The following PCDH7 variants were observed in gnomAD, a reference collection of about 807,000 sequenced individuals.
The protein encoded by PCDH7 is protocadherin-7.
Under a neutral mutation model 58.9 loss-of-function variants are expected in PCDH7, and 17 were observed. The observed-to-expected ratio is 0.29, with a 90% CI of 0.20 to 0.43. PCDH7 has a LOEUF of 0.43. Among genes scored for constraint, PCDH7 ranks in the 20% least tolerant of loss-of-function variants. The pLI is 1.00. For missense variants in PCDH7, 1,274 were observed against 1,441.0 expected (o/e 0.88, Z 1.88); for synonymous variants, 664 against 616.4 (o/e 1.08, Z -1.14).
intron 3 of PCDH7, among the ~76,000 whole-genome samples, chr4:31,116,834 T>C (rs927506540): frequency 4.6e-5 from 7 of 151,964 alleles, no homozygotes; most frequent in Non-Finnish European, 8.8e-5. Context: ...TTTTTTGTTG[T>C]TGTTGTTTGG....
chr4:30,796,538 G>C (rs1724797876), intron 1 of PCDH7, among the ~76,000 whole-genome samples: 1 of 152,222 alleles, frequency 6.6e-6, no homozygotes, highest in Non-Finnish European at 1.5e-5. Context: ...TGATATTACA[G>C]TTTGTGGACA....
chr4:30,849,932 C>T (rs566173626), intron 1 of PCDH7, among the ~76,000 whole-genome samples: 1 of 152,226 alleles, frequency 6.6e-6, no homozygotes, highest in South Asian at 2.1e-4. Flanking sequence ...GAAATTCTGT[C>T]AGGACCCCAA....
At chr4:30,988,667 A>T (rs1389262496) in intron 3 of PCDH7, among the ~76,000 whole-genome samples, 1 of 152,200 alleles carries the variant, frequency 6.6e-6, no homozygotes, top group Non-Finnish European at 1.5e-5. Flanking sequence ...TACTTTTGAT[A>T]TGCAAATATT....
At chr4:30,951,285 C>T (rs1747338738) in intron 3 of PCDH7, among the ~76,000 whole-genome samples, 1 of 152,234 alleles carries the variant, frequency 6.6e-6, no homozygotes, top group Admixed American at 6.5e-5. Flanking sequence ...AGATCATATT[C>T]CATTTTTCTA....
At position 30,781,308 on chromosome 4, in the gene PCDH7, T is replaced by G. The variant is rs143025355; in HGVS notation, c.70+56712T>G. 7.4e-3 allele frequency among the ~76,000 whole-genome samples: 1,122 copies of G among 151,680 alleles called. 12 individuals are homozygous for G. Among genetic ancestry groups the G allele is most frequent in the African/African-American group, 0.025 (1,017 of 41,342 alleles). On this transcript the variant is annotated intron_variant, in intron 1 of 3. Transcript: ENST00000509759. ...GGTGCCCACCACCACGCCTGGCTAA[T>G]TTTTTGTATTTTTAGCACAGACAGA...
intron 3 of PCDH7, among the ~76,000 whole-genome samples, chr4:30,979,855 C>A (rs2109108572): frequency 6.6e-6 from 1 of 152,148 alleles, no homozygotes; most frequent in South Asian, 2.1e-4. Context: ...ATGCACACTC[C>A]ACACACTGCT....
intron 1 of PCDH7, among the ~76,000 whole-genome samples, chr4:30,748,222 A>T (rs1232220379): frequency 6.6e-6 from 1 of 152,168 alleles, no homozygotes; most frequent in African/African-American, 2.4e-5. Flanking sequence ...GATCTAACTG[A>T]CCTGCTACAA....
chr4:30,962,776 TAAAAAAAAAAA>T (rs57257786), intron 3 of PCDH7, among the ~76,000 whole-genome samples: 6 of 70,610 alleles, frequency 8.5e-5, no homozygotes, highest in African/African-American at 3.2e-4. Flanking sequence ...GACCCAGTCT[TAAAAAAAAAAA>T]AAAAAAAAAA....
chr4:30,982,966 G>A (rs187152418), intron 3 of PCDH7, among the ~76,000 whole-genome samples: 26 of 152,250 alleles, frequency 1.7e-4, no homozygotes, highest in Admixed American at 3.3e-4. Context: ...ACTGCAGTTG[G>A]GATCTGACAG....
chr4:30,821,413 C>A (rs1415085522), intron 1 of PCDH7, among the ~76,000 whole-genome samples: 1 of 152,194 alleles, frequency 6.6e-6, no homozygotes, highest in African/African-American at 2.4e-5. Flanking sequence ...GAAAGATGTG[C>A]AATTGCACAG....
chr4:30,748,229 A>T (rs1443602993), intron 1 of PCDH7, among the ~76,000 whole-genome samples: 2 of 152,184 alleles, frequency 1.3e-5, no homozygotes, highest in African/African-American at 4.8e-5. Context: ...CTGACCTGCT[A>T]CAATCAGAGG....
At chr4:30,887,768 A>G (rs1250231050) in intron 1 of PCDH7, among the ~76,000 whole-genome samples, 1 of 152,156 alleles carries the variant, frequency 6.6e-6, no homozygotes, top group Non-Finnish European at 1.5e-5. Context: ...CTTAGACTCA[A>G]TGAAGTTTAT....
intron 1 of PCDH7, among the ~76,000 whole-genome samples, chr4:30,828,668 G>C (rs1163969243): frequency 6.6e-6 from 1 of 152,056 alleles, no homozygotes; most frequent in Non-Finnish European, 1.5e-5. Context: ...GGTTCCGAGA[G>C]CATGGTTCTC....
intron 3 of PCDH7, among the ~76,000 whole-genome samples, chr4:31,047,672 A>T (rs1756395890): frequency 6.6e-6 from 1 of 152,092 alleles, no homozygotes; most frequent in South Asian, 2.1e-4. Flanking sequence ...TGAGTTTCTT[A>T]TATTTACATT....
intron 3 of PCDH7, among the ~76,000 whole-genome samples, chr4:31,103,530 G>T (rs772649109): frequency 6.6e-6 from 1 of 151,828 alleles, no homozygotes; most frequent in African/African-American, 2.4e-5. Flanking sequence ...GAGAGACAGG[G>T]TTTCACCATG....
At chr4:31,007,266 CTTAG>C (rs148720635) in intron 3 of PCDH7, among the ~76,000 whole-genome samples, 6,409 of 152,178 alleles carry the variant, frequency 0.042, 443 homozygotes, top group African/African-American at 0.15. Context: ...AGAAGAACAA[CTTAG>C]TTAGTGTTTT....
At chr4:30,951,456 A>T (rs4485782) in intron 3 of PCDH7, among the ~76,000 whole-genome samples, 2 of 152,008 alleles carry the variant, frequency 1.3e-5, no homozygotes, top group African/African-American at 2.4e-5. Flanking sequence ...CCTTGCCTTT[A>T]TATTTTGTTT....
intron 3 of PCDH7, among the ~76,000 whole-genome samples, chr4:31,113,402 A>G (rs61794135): frequency 0.03 from 4,617 of 152,296 alleles, 169 homozygotes; most frequent in East Asian, 0.18. Context: ...TTGTGGTGAT[A>G]CTTAAGTATT....
intron 2 of PCDH7, among the ~76,000 whole-genome samples, chr4:30,937,034 T>A (rs1009600055): frequency 3.4e-5 from 3 of 89,502 alleles, no homozygotes; most frequent in African/African-American, 7.9e-5. Flanking sequence ...CTTAACTCAA[T>A]GGGAAGAGGC....
Sources: gnomAD v4.1 joint callset for allele counts (sites outside exome capture counted in the v4.1 genomes callset) on GRCh38, gnomAD v4.1.1 for gene constraint, MANE v1.5 for transcripts, NCBI Gene and HGNC (gene_info 2026-07-23, HGNC 2026-07-21) for gene names.